The following STX3 variants were observed in gnomAD, a reference collection of about 807,000 sequenced individuals.
STX3 encodes syntaxin 3, also known as syntaxin-3.
Under a neutral mutation model 40.2 loss-of-function variants are expected in STX3, and 19 were observed. The ratio of observed to expected loss-of-function variants is 0.47; its 90% confidence interval spans 0.33 to 0.69. The LOEUF is 0.69. Ranked by LOEUF, STX3 falls within the 30% of genes least tolerant of loss-of-function variation. The pLI is 0.02. For missense variants in STX3, 364 were observed against 366.7 expected, an observed-to-expected ratio of 0.99 and a Z score of 0.06; for synonymous variants, 122 against 132.2, an observed-to-expected ratio of 0.92 and a Z score of 0.53.
intron 2 of STX3, chr11:59,781,422 C>T: frequency 1.9e-6 from 3 of 1,609,472 alleles, no homozygotes; most frequent in South Asian, 1.1e-5. Flanking sequence ...CTTCCCATCC[C>T]ACTCCTGATG....
Position 59,805,298 on chromosome 11 carries a change from A to C in STX3, c.*4474A>C, listed in dbSNP as rs1866049420. 1 of 152,176 alleles carries C rather than the reference A, an allele frequency of 6.6e-6. No individual in the cohort carries two copies. The highest frequency in any genetic ancestry group is 2.4e-5 in the African/African-American group (1 of 41,432). 9.4% of individuals were successfully genotyped at this position (152,176 alleles called of 1,614,324 possible). ...GCTATGTGAATGTGAGTTCTAGTGC[A>C]GATTATTTAGTGATTATGTAACTAA... On this transcript the variant is annotated 3_prime_UTR_variant, in exon 11 of 11. Coordinates refer to ENST00000337979, the MANE Select transcript of STX3 (RefSeq NM_004177.5).
chr11:59,770,026 T>C (rs923652410), intron 1 of STX3, among the ~76,000 whole-genome samples: 28 of 150,456 alleles, frequency 1.9e-4, no homozygotes, highest in Non-Finnish European at 4.1e-4. Flanking sequence ...GGAGTGTGTG[T>C]GTGTGGGATG....
chr11:59,789,155 T>A, intron 4 of STX3: 1 of 435,468 alleles, frequency 2.3e-6, no homozygotes, highest in Non-Finnish European at 4.2e-6. Flanking sequence ...CTGGAAAGAG[T>A]CCAGAATTGA....
chr11:59,790,583 C>G lies in STX3; in HGVS notation c.354C>G (p.Ser118=). The G allele has an allele frequency of 1.9e-6, 3 of 1,612,720 alleles. No individual in the cohort carries two copies. Among genetic ancestry groups the G allele is most frequent in the Non-Finnish European group, 2.5e-6 (3 of 1,178,770 alleles). Residue 118 remains serine, a synonymous_variant, in exon 5 of 11, where the codon TCC becomes TCG. Coordinates refer to ENST00000337979, the MANE Select transcript of STX3 (RefSeq NM_004177.5). ...RSSADLRIRK[S]QHSVLSRKFV... The stretch of plus-strand genomic sequence containing the variant: ...CGGCAGACCTTCGGATTCGGAAATC[C>G]CAGGTAAGACTTTTCCTGGTCTCAT...
chr11:59,773,432 G>A (rs541749688), intron 2 of STX3, 138 bp downstream of exon 2: 2 of 709,692 alleles, frequency 2.8e-6, no homozygotes, highest in Non-Finnish European at 4.7e-6. Context: ...GCCAGACAAA[G>A]AAATTAAAAT....
chr11:59,796,111 G>T (rs1865505240), intron 9 of STX3, among the ~76,000 whole-genome samples: 1 of 152,106 alleles, frequency 6.6e-6, no homozygotes, highest in Non-Finnish European at 1.5e-5. Flanking sequence ...TCTCTACCTT[G>T]TACCTAGCTC....
Position 59,795,902 on chromosome 11 carries a change from G to T in STX3, c.786+420G>T, listed in dbSNP as rs144829943. ...CCCAGGTGTGCCTTGCATGGATCTG[G>T]CTCACAAGCTATCTCCCCAAAAACC... On this transcript the variant is annotated intron_variant, in intron 9 of 10. Transcript: ENST00000337979. Among the ~76,000 whole-genome samples, 9 of 152,158 alleles carry T rather than the reference G, an allele frequency of 5.9e-5. No homozygotes were observed. The East Asian group carries it at 1.7e-3, about 29-fold the overall frequency.
rs1174484353 is a variant in STX3 at position 59,804,099 on chromosome 11, A to G, written c.*3275A>G. 2 of 152,164 alleles carry G rather than the reference A, an allele frequency of 1.3e-5. No homozygotes were observed. The highest frequency in any genetic ancestry group is 4.8e-5 in the African/African-American group (2 of 41,340). 9.4% of individuals were successfully genotyped at this position (152,164 alleles called of 1,614,324 possible). On this transcript the variant is annotated 3_prime_UTR_variant, in exon 11 of 11. Transcript: ENST00000337979. The stretch of plus-strand genomic sequence containing the variant: ...AGGAGGACTGCAGGGTAGAGAAGCA[A>G]GCAGAGTGGGCGCCTCTTTAGGAAG...
rs1349594115 is a variant in STX3, at chr11:59,804,485, C to CT, written c.*3664dup. 2 of 152,224 alleles carry CT rather than the reference C, an allele frequency of 1.3e-5. No individual in the cohort carries two copies. The highest frequency in any genetic ancestry group is 2.4e-5 in the African/African-American group (1 of 41,454). 9.4% of individuals were successfully genotyped at this position (152,224 alleles called of 1,614,324 possible). ...AATCCTTGGGTTTGACTCCTAAACTCTTTAAGGTACCAATGAGAACGTGGT... is the reference window on the plus strand; with the variant it reads ...AATCCTTGGGTTTGACTCCTAAACTCTTTTAAGGTACCAATGAGAACGTGGT... On this transcript the variant is annotated 3_prime_UTR_variant, in exon 11 of 11. Transcript: ENST00000337979.
rs1865962017 is a variant in STX3 at position 59,803,182 on chromosome 11, C to T, written c.*2358C>T. ...CAGAATACTTTTTGCGATGATGTTT[C>T]TCATGTATTCTTTCTTTCCTTGTCT... On this transcript the variant is annotated 3_prime_UTR_variant, in exon 11 of 11. Transcript: ENST00000337979. The T allele has an allele frequency of 2.4e-6, 3 of 1,231,510 alleles. No individual in the cohort carries two copies. Among genetic ancestry groups the T allele is most frequent in the Admixed American group, 4.2e-5 (1 of 23,686 alleles). 76.3% of individuals were successfully genotyped at this position (1,231,510 alleles called of 1,614,324 possible).
rs1346943876 is a variant in STX3, at chr11:59,759,339, A to G, written c.30+3704A>G. Among the ~76,000 whole-genome samples, 4 of 152,222 alleles carry G rather than the reference A, an allele frequency of 2.6e-5. No individual in the cohort carries two copies. The East Asian group carries it at 7.7e-4, about 29-fold the overall frequency. ...AAGCATATAAACAACTCAAGGGAGCATCAGCAGGGTCGCATGTGCATGGTA... is the reference window on the plus strand; with the variant it reads ...AAGCATATAAACAACTCAAGGGAGCGTCAGCAGGGTCGCATGTGCATGGTA... On this transcript the variant is annotated intron_variant, in intron 1 of 10. Coordinates refer to ENST00000337979, the MANE Select transcript of STX3 (RefSeq NM_004177.5).
At chr11:59,789,531 C>G (rs924828419) in intron 4 of STX3, among the ~76,000 whole-genome samples, 5 of 151,384 alleles carry the variant, frequency 3.3e-5, no homozygotes, top group African/African-American at 1.2e-4. Context: ...ATCTCTGCTT[C>G]TTGGGTTCAA....
chr11:59,795,168 A>T (rs1037060063), intron 8 of STX3, among the ~76,000 whole-genome samples: 2 of 152,230 alleles, frequency 1.3e-5, no homozygotes, highest in African/African-American at 2.4e-5. Flanking sequence ...GAGAAGTAGT[A>T]AAATTCACTG....
intron 10 of STX3, among the ~76,000 whole-genome samples, chr11:59,798,209 G>GT (rs375198435): frequency 6.6e-6 from 1 of 150,896 alleles, no homozygotes; most frequent in Non-Finnish European, 1.5e-5. Flanking sequence ...CTGAATCACT[G>GT]GTTTTTTTTT....
chr11:59,792,026 A>G, intron 5 of STX3, 81 bp from the exon 6 acceptor site: 2 of 1,106,724 alleles, frequency 1.8e-6, no homozygotes, highest in South Asian at 2.6e-5. Flanking sequence ...GCTATTGTAG[A>G]TGGCTATGTG....
chr11:59,780,367 G>A (rs1020150715), intron 2 of STX3, among the ~76,000 whole-genome samples: 1 of 152,170 alleles, frequency 6.6e-6, no homozygotes, highest in African/African-American at 2.4e-5. Flanking sequence ...TACAAGCCAG[G>A]AAGAGGGTCC....
intron 1 of STX3, among the ~76,000 whole-genome samples, chr11:59,760,343 A>G (rs1002283166): frequency 6.6e-6 from 1 of 151,612 alleles, no homozygotes; most frequent in Non-Finnish European, 1.5e-5. Context: ...CTGTAACTGC[A>G]ACTTAGAATA....
chr11:59,778,544 A>G (rs1022378156), intron 2 of STX3, among the ~76,000 whole-genome samples: 1 of 152,190 alleles, frequency 6.6e-6, no homozygotes, highest in Non-Finnish European at 1.5e-5. Context: ...TTAAAAAGAA[A>G]GAGAGGGAAG....
intron 1 of STX3, among the ~76,000 whole-genome samples, chr11:59,761,098 C>G (rs1032856974): frequency 6.6e-6 from 1 of 152,184 alleles, no homozygotes; most frequent in Admixed American, 6.5e-5. Context: ...CATATGTTTG[C>G]TAATGAAGCC....
Sources: allele counts gnomAD v4.1 joint callset (sites outside exome capture counted in the v4.1 genomes callset), GRCh38; gene constraint gnomAD v4.1.1; transcripts MANE v1.5; gene names NCBI Gene and HGNC (gene_info 2026-07-23, HGNC 2026-07-21).